The following DAB1 variants were observed in gnomAD, a reference collection of about 807,000 sequenced individuals.
DAB1 encodes disabled homolog 1.
Under a neutral mutation model 64.6 loss-of-function variants are expected in DAB1, and 15 were observed. The observed-to-expected ratio is 0.23, with a 90% CI of 0.16 to 0.36. The LOEUF (loss-of-function observed/expected upper bound fraction) is 0.36. DAB1 is among the 10% of genes least tolerant of loss of function. The pLI, the probability that DAB1 is intolerant of heterozygous loss-of-function variation, is 1.00. For synonymous variants in DAB1, 235 were observed against 251.9 expected, an observed-to-expected ratio of 0.93 and a Z score of 0.64; for missense variants, 596 against 706.7, an observed-to-expected ratio of 0.84 and a Z score of 1.78.
intron 2 of DAB1, among the ~76,000 whole-genome samples, chr1:57,242,993 G>C (rs1668603119): frequency 6.6e-6 from 1 of 152,124 alleles, no homozygotes. Context: ...TGCATACTTA[G>C]TAGATACTCA....
intron 7 of DAB1, among the ~76,000 whole-genome samples, chr1:57,497,323 A>AGGTTT (rs1427806565): frequency 3.3e-5 from 5 of 152,184 alleles, no homozygotes; most frequent in Non-Finnish European, 7.3e-5. Context: ...GACACTGATC[A>AGGTTT]GGTTTGTTTT....
At chr1:57,718,730 CA>C (rs1250060954) in intron 6 of DAB1, among the ~76,000 whole-genome samples, 1 of 152,144 alleles carries the variant, frequency 6.6e-6, no homozygotes, top group Non-Finnish European at 1.5e-5. Flanking sequence ...AAAATGTTAT[CA>C]ATATCCCCAG....
chr1:58,178,563 C>G (rs1044150538), intron 4 of DAB1, among the ~76,000 whole-genome samples: 1 of 152,112 alleles, frequency 6.6e-6, no homozygotes, highest in Non-Finnish European at 1.5e-5. Context: ...AGGATGGGGA[C>G]TGGTTGATAG....
At chr1:58,251,859 A>C (rs970481361) in intron 4 of DAB1, among the ~76,000 whole-genome samples, 1 of 152,094 alleles carries the variant, frequency 6.6e-6, no homozygotes, top group African/African-American at 2.4e-5. Flanking sequence ...CGTGGGTGGA[A>C]GGAGAGGATC....
intron 1 of DAB1, among the ~76,000 whole-genome samples, chr1:57,337,430 G>C (rs1310812646): frequency 6.6e-6 from 1 of 152,106 alleles, no homozygotes; most frequent in Non-Finnish European, 1.5e-5. Flanking sequence ...CTGCCCCAGG[G>C]ATCACAAGAG....
intron 3 of DAB1, among the ~76,000 whole-genome samples, chr1:58,347,824 G>A (rs1234059827): frequency 6.6e-6 from 1 of 152,030 alleles, no homozygotes; most frequent in Non-Finnish European, 1.5e-5. Flanking sequence ...TTCTCACCTT[G>A]CCCCCTTGGC....
intron 7 of DAB1, among the ~76,000 whole-genome samples, chr1:57,524,025 G>A (rs1644562463): frequency 1.3e-5 from 2 of 152,146 alleles, no homozygotes; most frequent in East Asian, 3.9e-4. Flanking sequence ...ATATTTAAAA[G>A]GGTTTGAAGA....
chr1:57,166,496 C>A (rs750380756), intron 2 of DAB1, among the ~76,000 whole-genome samples: 3 of 151,988 alleles, frequency 2.0e-5, no homozygotes, highest in Non-Finnish European at 4.4e-5. Flanking sequence ...AAGTTCAGAA[C>A]AATAGAAGTC....
intron 5 of DAB1, among the ~76,000 whole-genome samples, chr1:57,995,070 C>A (rs1646403791): frequency 6.6e-6 from 1 of 152,128 alleles, no homozygotes; most frequent in Admixed American, 6.5e-5. Flanking sequence ...TTTTGCTGAG[C>A]AAGTTACCAC....
chr1:57,080,852 G>A (rs1439706834), intron 4 of DAB1, among the ~76,000 whole-genome samples: 2 of 152,028 alleles, frequency 1.3e-5, no homozygotes, highest in Non-Finnish European at 2.9e-5. Context: ...TGTGATTAAG[G>A]ATGTGGCTAC....
Position 57,595,893 on chromosome 1 carries a change from C to T in DAB1, n.625+53699G>A, listed in dbSNP as rs191447111. Among the ~76,000 whole-genome samples, 382 of 152,254 alleles carry T rather than the reference C, an allele frequency of 2.5e-3. 3 individuals carry two copies. Among genetic ancestry groups the T allele is most frequent in the African/African-American group, 9.0e-3 (373 of 41,552 alleles). ...GCCATGATTGTAGGTTTCCTGAGAC[C>T]TCCCCAGAAGCCAAGCAGATGCTGC... On this transcript the variant is annotated intron_variant and non_coding_transcript_variant, in intron 7 of 20. Transcript: ENST00000485760.
At chr1:58,540,648 A>C (rs532099831) in intron 1 of DAB1, among the ~76,000 whole-genome samples, 1 of 150,768 alleles carries the variant, frequency 6.6e-6, no homozygotes, top group Admixed American at 6.6e-5. Context: ...AGAAATAAAG[A>C]TTTGTGACTT....
intron 5 of DAB1, among the ~76,000 whole-genome samples, chr1:58,081,711 T>C (rs1650008375): frequency 6.6e-6 from 1 of 152,222 alleles, no homozygotes; most frequent in Admixed American, 6.5e-5. Context: ...TTCAAAGGGC[T>C]GCCAGTAAGA....
intron 6 of DAB1, among the ~76,000 whole-genome samples, chr1:57,698,509 A>G (rs190200211): frequency 8.5e-5 from 13 of 152,252 alleles, no homozygotes; most frequent in Admixed American, 7.2e-4. Flanking sequence ...TTATATTATA[A>G]CTACTTATTT....
At chr1:57,576,722 G>C (rs913257736) in intron 7 of DAB1, among the ~76,000 whole-genome samples, 1 of 152,096 alleles carries the variant, frequency 6.6e-6, no homozygotes, top group South Asian at 2.1e-4. Context: ...TAATACAGGT[G>C]GTGATATATA....
chr1:58,467,519 C>T (rs943062484), intron 3 of DAB1, among the ~76,000 whole-genome samples: 4 of 152,144 alleles, frequency 2.6e-5, no homozygotes, highest in African/African-American at 9.7e-5. Flanking sequence ...AGATGAGAGT[C>T]TTCTTTCTTA....
chr1:57,251,468 G>C (rs1426291149), intron 2 of DAB1, among the ~76,000 whole-genome samples: 3 of 152,304 alleles, frequency 2.0e-5, no homozygotes, highest in East Asian at 3.9e-4. Flanking sequence ...TAGCCTGCTA[G>C]AGCTGAATAA....
chr1:57,577,120 A>G (rs1432049266), intron 7 of DAB1, among the ~76,000 whole-genome samples: 1 of 152,224 alleles, frequency 6.6e-6, no homozygotes, highest in Non-Finnish European at 1.5e-5. Context: ...TGCTCGGGAA[A>G]GCAGGCCATC....
chr1:58,509,027 T>G (rs539304101), intron 2 of DAB1, among the ~76,000 whole-genome samples: 1 of 152,050 alleles, frequency 6.6e-6, no homozygotes, highest in Non-Finnish European at 1.5e-5. Context: ...TGGACTAGCA[T>G]GAAGGTTTGA....
Sources: gnomAD v4.1 joint callset for allele counts (sites outside exome capture counted in the v4.1 genomes callset) on GRCh38, gnomAD v4.1.1 for gene constraint, MANE v1.5 for transcripts, NCBI Gene and HGNC (gene_info 2026-07-23, HGNC 2026-07-21) for gene names.